Variants in ANKRD62 observed in about 807,000 individuals in gnomAD.
The protein encoded by ANKRD62 is ankyrin repeat domain-containing protein 62.
Under a neutral mutation model 98.8 loss-of-function variants are expected in ANKRD62, and 61 were observed. That is an observed-to-expected ratio of 0.62 (90% CI 0.50 to 0.76). The LOEUF is 0.76. Among genes scored for constraint, ANKRD62 ranks in the 30% least tolerant of loss-of-function variants. The pLI, the probability that ANKRD62 is intolerant of heterozygous loss-of-function variation, is 0.00. For synonymous variants in ANKRD62, 341 were observed against 367.9 expected, an observed-to-expected ratio of 0.93 and a Z score of 0.84; for missense variants, 933 against 1,082.9, an observed-to-expected ratio of 0.86 and a Z score of 1.94.
At position 12,128,435 on chromosome 18, in the gene ANKRD62, A is replaced by G. The variant is rs917832963; in HGVS notation, c.*496A>G. The G allele has an allele frequency of 6.6e-6, 1 of 152,256 alleles. No individual in the cohort carries two copies. Among genetic ancestry groups the G allele is most frequent in the Non-Finnish European group, 1.5e-5 (1 of 68,080 alleles). 9.4% of individuals were successfully genotyped at this position (152,256 alleles called of 1,614,324 possible). A position where few individuals can be genotyped will look rare whatever the true frequency, so the allele number is the denominator to read the frequency against. On this transcript the variant is annotated 3_prime_UTR_variant, in exon 14 of 14. Transcript: ENST00000587848. ...TATAGTCAGAGTCATATGACTATGG[A>G]CAGTTAGCATTTGCCAACATGTATG...
chr18:12,141,372 C>T, the ANKRD62 span, among the ~76,000 whole-genome samples: 12 of 152,296 alleles, frequency 7.9e-5, no homozygotes, highest in South Asian at 1.2e-3. Flanking sequence ...GGCACTACCC[C>T]ATGAGATGAA....
rs1486859536 is a variant in ANKRD62, at chr18:12,096,179, T to G, written c.508-17T>G. 1 of 1,464,258 alleles carries G rather than the reference T, an allele frequency of 6.8e-7. No homozygotes were observed. The highest frequency in any genetic ancestry group is 2.5e-5 in the East Asian group (1 of 40,472). 90.7% of individuals were successfully genotyped at this position (1,464,258 alleles called of 1,614,324 possible). ...ATGTAATTTTGTGAATTATAAATTG[T>G]TTTTGCTGTTTTGCAGGATGGACAT... On this transcript the variant is annotated splice_polypyrimidine_tract_variant and intron_variant, in intron 3 of 13. Coordinates refer to ENST00000587848, the MANE Select transcript of ANKRD62 (RefSeq NM_001277333.2).
chr18:12,159,675 A>C, the ANKRD62 span, among the ~76,000 whole-genome samples: 1 of 152,214 alleles, frequency 6.6e-6, no homozygotes, highest in Non-Finnish European at 1.5e-5. Context: ...CGTGATGAGT[A>C]ATGTCTGCCC....
At chr18:12,154,748 G>T in the ANKRD62 span, among the ~76,000 whole-genome samples, 90,377 of 152,116 alleles carry the variant, frequency 0.59, 27,381 homozygotes, top group Middle Eastern at 0.76. Flanking sequence ...ATTGGCCAAA[G>T]AAAATGTGGT....
intron 8 of ANKRD62, among the ~76,000 whole-genome samples, chr18:12,114,449 G>T (rs767710314): frequency 6.6e-6 from 1 of 152,172 alleles, no homozygotes; most frequent in Non-Finnish European, 1.5e-5. Context: ...ATGTTTTGGA[G>T]CCAAAGTTCT....
At chr18:12,095,357 C>A in intron 2 of ANKRD62, 72 bp downstream of exon 2, 1 of 1,529,706 alleles carries the variant, frequency 6.5e-7, no homozygotes, top group Non-Finnish European at 8.8e-7. Context: ...TAATTCACCT[C>A]ATTGAAATGT....
the ANKRD62 span, among the ~76,000 whole-genome samples, chr18:12,158,568 C>A: frequency 2.6e-5 from 4 of 152,214 alleles, no homozygotes; most frequent in South Asian, 8.3e-4. Context: ...CTGTGTCGCC[C>A]TGGCTGGAGT....
intron 8 of ANKRD62, among the ~76,000 whole-genome samples, chr18:12,107,722 G>C (rs1568060804): frequency 6.6e-6 from 1 of 152,054 alleles, no homozygotes; most frequent in Non-Finnish European, 1.5e-5. Flanking sequence ...AAATGAAATT[G>C]GTAAATCTTT....
the ANKRD62 span, among the ~76,000 whole-genome samples, chr18:12,163,287 G>T: frequency 6.6e-6 from 1 of 151,836 alleles, no homozygotes; most frequent in East Asian, 1.9e-4. Flanking sequence ...TACCTTTTTG[G>T]TTTCTTTTTC....
chr18:12,107,131 TTATAA>T (rs5823197), intron 7 of ANKRD62, among the ~76,000 whole-genome samples, 159 bp from the exon 8 acceptor site: 89,462 of 150,842 alleles, frequency 0.59, 27,034 homozygotes, highest in Middle Eastern at 0.76. Context: ...TCAATAAAAA[TTATAA>T]TATAATTATA....
At position 12,127,920 on chromosome 18, in the gene ANKRD62, T is replaced by G; in HGVS notation, c.2735T>G (p.Met912Arg). Residue 912 changes from methionine to arginine, a missense_variant, in exon 14 of 14, where the codon ATG becomes AGG. Physicochemically the swap from Met to Arg is moderately conservative, Grantham distance 91 (BLOSUM62 -1). Coordinates refer to ENST00000587848, the MANE Select transcript of ANKRD62 (RefSeq NM_001277333.2). ...AGTCAAGTATGTATGAAACTTAGCA[T>G]GTCAACAGTTACTCTGTAGCTGGTT... ...MRSQVCMKLSMSTVTL is the reference protein window; with the variant it reads ...MRSQVCMKLSRSTVTL 6.7e-7 allele frequency: 1 copy of G among 1,492,578 alleles called. No individual in the cohort carries two copies. Among genetic ancestry groups the G allele is most frequent in the Admixed American group, 2.3e-5 (1 of 43,104 alleles). The allele number at this position is 1,492,578 out of a possible 1,614,324, so 92.5% of individuals were successfully genotyped here. A position where few individuals can be genotyped will look rare whatever the true frequency, so the allele number is the denominator to read the frequency against.
chr18:12,127,747 G>GGTA lies in ANKRD62; in HGVS notation c.2565_2567dup (p.Val856dup), dbSNP rs1301264057. The GGTA allele has an allele frequency of 7.2e-7, 1 of 1,390,038 alleles. No individual in the cohort carries two copies. Among genetic ancestry groups the GGTA allele is most frequent in the Non-Finnish European group, 9.3e-7 (1 of 1,077,896 alleles). The allele number at this position is 1,390,038 out of a possible 1,614,324, so 86.1% of individuals were successfully genotyped here. On this transcript the variant is annotated inframe_insertion and splice_region_variant. Transcript: ENST00000587848. ...CAGTAACAAAAATAACATCTTACCA[G>GGTA]GTAGTCAGGAGACAGCTTCAACGAG...
the ANKRD62 span, among the ~76,000 whole-genome samples, chr18:12,146,420 T>G: frequency 6.6e-6 from 1 of 152,164 alleles, no homozygotes; most frequent in African/African-American, 2.4e-5. Context: ...ACTTGCTTTA[T>G]GAAAATGGGG....
chr18:12,155,090 A>G, the ANKRD62 span, among the ~76,000 whole-genome samples: 1 of 152,220 alleles, frequency 6.6e-6, no homozygotes, highest in Non-Finnish European at 1.5e-5. Flanking sequence ...TGTGTAACAA[A>G]CCTTCACATG....
chr18:12,116,856 ACTT>A (rs1909675818), intron 10 of ANKRD62, among the ~76,000 whole-genome samples: 1 of 152,156 alleles, frequency 6.6e-6, no homozygotes, highest in African/African-American at 2.4e-5. Context: ...TGGAGAATTG[ACTT>A]CTTAACAATA....
chr18:12,127,106 G>A (rs1423009311), intron 13 of ANKRD62, among the ~76,000 whole-genome samples: 1 of 152,078 alleles, frequency 6.6e-6, no homozygotes, highest in Non-Finnish European at 1.5e-5. Context: ...TTTATTTCAA[G>A]GCTCAATGAC....
the ANKRD62 span, among the ~76,000 whole-genome samples, chr18:12,136,686 T>A: frequency 1.3e-5 from 2 of 152,240 alleles, no homozygotes; most frequent in African/African-American, 4.8e-5. Flanking sequence ...GCATGGAATG[T>A]TCTTCCATTT....
the ANKRD62 span, among the ~76,000 whole-genome samples, chr18:12,161,648 A>G: frequency 1.3e-5 from 2 of 152,034 alleles, no homozygotes; most frequent in Non-Finnish European, 2.9e-5. Flanking sequence ...TTTTGTGCCC[A>G]TTAACCAACT....
the ANKRD62 span, among the ~76,000 whole-genome samples, chr18:12,156,635 T>C: frequency 5.9e-5 from 9 of 152,330 alleles, no homozygotes; most frequent in South Asian, 1.2e-3. Flanking sequence ...GTGTGTGTTC[T>C]AAGCTGTGAG....
Sources: gnomAD v4.1 joint callset for allele counts (sites outside exome capture counted in the v4.1 genomes callset) on GRCh38, gnomAD v4.1.1 for gene constraint, MANE v1.5 for transcripts, NCBI Gene and HGNC (gene_info 2026-07-23, HGNC 2026-07-21) for gene names.